POLE: variants seen among roughly 807,000 people sequenced by gnomAD.
POLE encodes DNA polymerase epsilon, catalytic subunit, also known as DNA polymerase epsilon catalytic subunit A.
A neutral mutation model predicts 279.2 loss-of-function variants in POLE; 188 were observed. The observed-to-expected ratio is 0.67, with a 90% CI of 0.60 to 0.76. POLE has a LOEUF of 0.76. Ranked by LOEUF, POLE falls within the 30% of genes least tolerant of loss-of-function variation. POLE has a pLI of 0.00. For missense variants in POLE, 2,703 were observed against 3,016.7 expected (o/e 0.90, Z 2.44); for synonymous variants, 1,214 against 1,172.5 (o/e 1.04, Z -0.72).
At chr12:132,656,923 T>C (rs2042553481) in intron 29 of POLE, among the ~76,000 whole-genome samples, 1 of 152,228 alleles carries the variant, frequency 6.6e-6, no homozygotes, top group Admixed American at 6.5e-5. Flanking sequence ...GACAGTTCCT[T>C]GCCCTCACCT....
rs2042734698 is a variant in POLE at position 132,664,008 on chromosome 12, A to C, written c.2702T>G (p.Val901Gly). The change falls in exon 23 of 49, where the codon GTC becomes GGC. Residue 901 changes from valine to glycine, a missense_variant. Transcript: ENST00000320574. The surrounding 1 kb of genome is among the most constrained non-coding windows in gnomAD (Gnocchi z 5.3). The stretch of plus-strand genomic sequence containing the variant: ...GACCAGAGGCCCCAGACTCACCTTG[A>C]CCATGATGTTCAACATGGCGCCTGG... ...SYPGAMLNIMVKEGFTNDQYQ... is the reference protein window; with the variant it reads ...SYPGAMLNIMGKEGFTNDQYQ... 1 of 1,614,040 alleles carries C rather than the reference A, an allele frequency of 6.2e-7. No homozygotes were observed. The highest frequency in any genetic ancestry group is 8.5e-7 in the Non-Finnish European group (1 of 1,180,050).
At chr12:132,658,956 T>TC (rs1441477374) in intron 26 of POLE, among the ~76,000 whole-genome samples, 2 of 142,494 alleles carry the variant, frequency 1.4e-5, no homozygotes, top group Non-Finnish European at 3.0e-5. Flanking sequence ...GGCATAAGGG[T>TC]CTTCCTTCAA....
intron 14 of POLE, 56 bp from the exon 15 acceptor site, chr12:132,672,895 A>G: frequency 6.7e-7 from 1 of 1,496,762 alleles, no homozygotes; most frequent in Non-Finnish European, 9.2e-7. Context: ...CCTGACTTGC[A>G]GGCAAAGTCC....
intron 16 of POLE, among the ~76,000 whole-genome samples, chr12:132,671,036 G>A (rs1352713008): frequency 6.6e-6 from 1 of 151,848 alleles, no homozygotes; most frequent in African/African-American, 2.4e-5. Context: ...GCTGAGGTGG[G>A]CAGATCACTT....
Position 132,673,156 on chromosome 12 carries a change from A to G in POLE, c.1473+8T>C, listed in dbSNP as rs755741261. 1 of 1,567,508 alleles carries G rather than the reference A, an allele frequency of 6.4e-7. No homozygotes were observed. Among genetic ancestry groups the G allele is most frequent in the East Asian group, 2.2e-5 (1 of 44,632 alleles). ...GGCCAGGGTGCCGACAGGACAGATAATGCTCACCTCGTCGGGCTCCATGGG... is the reference window on the plus strand; with the variant it reads ...GGCCAGGGTGCCGACAGGACAGATAGTGCTCACCTCGTCGGGCTCCATGGG... On this transcript the variant is annotated splice_region_variant and intron_variant, in intron 14 of 48. Transcript: ENST00000320574.
chr12:132,641,664 C>A lies in POLE; in HGVS notation c.5361G>T (p.Leu1787=), dbSNP rs1036184341. 1 of 1,614,000 alleles carries A rather than the reference C, an allele frequency of 6.2e-7. No individual in the cohort carries two copies. The highest frequency in any genetic ancestry group is 1.1e-5 in the South Asian group (1 of 91,082). ...SAPASYDETA[L]CSNTFRILKS... ...GGTGGCACCTGAAGGTGTTAGAGCA[C>A]AGGGCTGTCTCATCGTAGCTGGCCG... Residue 1787 remains leucine (L), a synonymous_variant, in exon 39 of 49, where the codon CTG becomes CTT. Coordinates refer to ENST00000320574, the MANE Select transcript of POLE (RefSeq NM_006231.4).
rs753010136 is a variant in POLE at position 132,659,503 on chromosome 12, T to G, written c.3067A>C (p.Asn1023His). ...TCGAATAGCTCAGAGTCAGGCATGT[T>G]GGCTGCCTAGAGAAAGACAATGGGT... is the stretch of plus-strand genomic sequence containing the variant. ...WLDVLYSKAA[N>H]MPDSELFELI... is the part of the protein sequence containing the mutation. Residue 1023 changes from asparagine to histidine, a missense_variant, in exon 26 of 49, where the codon AAC (asparagine) becomes CAC (histidine). Asn to His is a moderately conservative substitution (Grantham distance 68). Transcript: ENST00000320574. 2 of 1,614,000 alleles carry G rather than the reference T, an allele frequency of 1.2e-6. No homozygotes were observed. The highest frequency in any genetic ancestry group is 3.3e-5 in the Admixed American group (2 of 60,018).
At chr12:132,631,668 G>C (rs572192638) in intron 45 of POLE, among the ~76,000 whole-genome samples, 1 of 152,172 alleles carries the variant, frequency 6.6e-6, no homozygotes, top group Admixed American at 6.5e-5. Flanking sequence ...CTTGGACTCA[G>C]CCTGCCTTTC....
At chr12:132,627,367 T>A (rs1404131613) in intron 45 of POLE, among the ~76,000 whole-genome samples, 1 of 152,182 alleles carries the variant, frequency 6.6e-6, no homozygotes, top group Non-Finnish European at 1.5e-5. Flanking sequence ...GGCACAATCA[T>A]GGCTCACTGC....
chr12:132,669,529 C>G (rs2042876532), intron 16 of POLE, among the ~76,000 whole-genome samples: 1 of 151,928 alleles, frequency 6.6e-6, no homozygotes, highest in African/African-American at 2.4e-5. Context: ...GAAAACACAC[C>G]TAAAATTTTA....
Position 132,676,354 on chromosome 12 carries a change from C to G in POLE, c.910-150G>C, listed in dbSNP as rs570296521. 68 of 723,358 alleles carry G rather than the reference C, an allele frequency of 9.4e-5. No individual in the cohort carries two copies. The African/African-American group carries it at 1.2e-3, about 12-fold the overall frequency. 44.8% of individuals were successfully genotyped at this position (723,358 alleles called of 1,614,324 possible). ...GTGCTTTAAGCTTCCTGAGAAGAGA[C>G]GCTCTGTGTGTGGATTCCCACTCGA... On this transcript the variant is annotated intron_variant, in intron 9 of 48. Transcript: ENST00000320574.
Position 132,639,075 on chromosome 12 carries a change from C to T in POLE, c.5552+50G>A, listed in dbSNP as rs2042088735. ...GTCTCTGGTTCTGGGGAGTAAGGGA[C>T]CAGCCCAGCTGAGGACGCGGTGGAC... is the stretch of plus-strand genomic sequence containing the variant. On this transcript the variant is annotated intron_variant, in intron 40 of 48. Transcript: ENST00000320574. The surrounding 1 kb of genome is among the most constrained non-coding windows in gnomAD (Gnocchi z 4.7). The T allele has an allele frequency of 6.5e-7, 1 of 1,549,740 alleles. No individual in the cohort carries two copies. Among genetic ancestry groups the T allele is most frequent in the Non-Finnish European group, 8.9e-7 (1 of 1,124,444 alleles).
Position 132,687,290 on chromosome 12 carries a change from C to T in POLE, c.26G>A (p.Arg9Gln), listed in dbSNP as rs2043298739. ...GCCATCCGCGCCTGGGTCCGCGCGC[C>T]GCCGCCCGCCGCTCCTCAGAGACAT... MSLRSGGR[R>Q]RADPGADGEA... Residue 9 changes from arginine to glutamine, a missense_variant, in exon 1 of 49, where the codon CGG (arginine) becomes CAG (glutamine). Physicochemically the swap from Arg to Gln is conservative, Grantham distance 43 (BLOSUM62 1). Transcript: ENST00000320574. The T allele has an allele frequency of 4.0e-6, 6 of 1,503,756 alleles. No homozygotes were observed. Among genetic ancestry groups the T allele is most frequent in the Non-Finnish European group, 5.3e-6 (6 of 1,128,174 alleles). The allele number at this position is 1,503,756 out of a possible 1,614,324, so 93.2% of individuals were successfully genotyped here.
At chr12:132,653,859 A>AG (rs71076465) in intron 29 of POLE, among the ~76,000 whole-genome samples, 80,932 of 151,568 alleles carry the variant, frequency 0.53, 22,850 homozygotes, top group African/African-American at 0.71. Context: ...GATTGTTCAA[A>AG]CTTTAACATG....
At chr12:132,647,737 C>T (rs12319494) in intron 32 of POLE, among the ~76,000 whole-genome samples, 1,960 of 152,204 alleles carry the variant, frequency 0.013, 48 homozygotes, top group African/African-American at 0.044. Flanking sequence ...CACTTCCACA[C>T]GGCCACAGCA....
rs140254249 is a variant in POLE, at chr12:132,668,471, G to A, written c.2058C>T (p.Ile686=). 1 of 1,608,396 alleles carries A rather than the reference G, an allele frequency of 6.2e-7. No homozygotes were observed. Among genetic ancestry groups the A allele is most frequent in the Non-Finnish European group, 8.5e-7 (1 of 1,177,032 alleles). The change falls in exon 19 of 49, where the codon ATC becomes ATT. Residue 686 remains isoleucine (I), a synonymous_variant. Transcript: ENST00000320574. The surrounding 1 kb of genome is among the most constrained non-coding windows in gnomAD (Gnocchi z 4.0). ...ACTTCTCTGACTCCAGCTGGTGCTG[G>A]ATCCGATGGTATTCGCTGCGACTGG... ...MPASRSEYHR[I]QHQLESEKFP... is the part of the protein sequence containing the mutation.
In POLE at chr12:132,661,446, G is replaced by C; in HGVS notation, c.2864+81C>G. On this transcript the variant is annotated intron_variant, in intron 24 of 48. Transcript: ENST00000320574. The surrounding 1 kb of genome is among the most constrained non-coding windows in gnomAD (Gnocchi z 4.1). ...CAGGTCTGTTTCTATCCTGGCTCCT[G>C]ATCCAACCTCCTTTCTGGGCTAAAT... is the stretch of plus-strand genomic sequence containing the variant. 1 of 1,480,596 alleles carries C rather than the reference G, an allele frequency of 6.8e-7. No homozygotes were observed. Among genetic ancestry groups the C allele is most frequent in the Non-Finnish European group, 9.3e-7 (1 of 1,080,006 alleles). 91.7% of individuals were successfully genotyped at this position (1,480,596 alleles called of 1,614,324 possible). A position where few individuals can be genotyped will look rare whatever the true frequency, so the allele number is the denominator to read the frequency against.
rs2136026908 is a variant in POLE, at chr12:132,679,488, A to G, written c.578+9T>C. 1.3e-6 allele frequency: 2 copies of G among 1,595,826 alleles called. No individual in the cohort carries two copies. Among genetic ancestry groups the G allele is most frequent in the Non-Finnish European group, 1.7e-6 (2 of 1,164,994 alleles). On this transcript the variant is annotated intron_variant, in intron 6 of 48. Transcript: ENST00000320574. ...CCGCTGATGCTTTGCTCACAAGACC[A>G]AAGTTTACCTGGAAAGCAGAGCTGT...
At position 132,634,692 on chromosome 12, in the gene POLE, C is replaced by T. The variant is rs2042000686; in HGVS notation, c.5812-314G>A. ...AGGACGAAAGAACCAGCCAGAGCTT[C>T]CCGGTGACTGTTCTCTCCTCTGAGT... On this transcript the variant is annotated intron_variant, in intron 42 of 48. Coordinates refer to ENST00000320574, the MANE Select transcript of POLE (RefSeq NM_006231.4). This position sits in a 1 kb window ranked among gnomAD's most constrained non-coding sequence, Gnocchi z 4.0. 6.6e-6 allele frequency among the ~76,000 whole-genome samples: 1 copy of T among 152,186 alleles called. No homozygotes were observed. The highest frequency in any genetic ancestry group is 2.4e-5 in the African/African-American group (1 of 41,432).
Sources: allele counts gnomAD v4.1 joint callset (sites outside exome capture counted in the v4.1 genomes callset), GRCh38; gene constraint gnomAD v4.1.1; non-coding constraint Gnocchi (gnomAD v3.1); transcripts MANE v1.5; gene names NCBI Gene and HGNC (gene_info 2026-07-23, HGNC 2026-07-21).